EIF4E2: variants seen among roughly 807,000 people sequenced by gnomAD.
EIF4E2 encodes the protein eukaryotic translation initiation factor 4E type 2.
EIF4E2 carries 13 observed loss-of-function variants against 34.2 expected under a neutral mutation model. The ratio of observed to expected loss-of-function variants is 0.38; its 90% CI spans 0.25 to 0.60. The LOEUF (loss-of-function observed/expected upper bound fraction) is 0.60, where lower values mean the gene tolerates loss of function less well. EIF4E2 is among the 20% of genes least tolerant of loss of function. The pLI, the probability that EIF4E2 is intolerant of heterozygous loss-of-function variation, is 0.62. For synonymous variants in EIF4E2, 100 were observed against 106.6 expected, an observed-to-expected ratio of 0.94 and a Z score of 0.38; for missense variants, 222 against 315.1, an observed-to-expected ratio of 0.70 and a Z score of 2.24.
chr2:232,577,057 A>G (rs191420995), intron 6 of EIF4E2, among the ~76,000 whole-genome samples: 1 of 152,382 alleles, frequency 6.6e-6, no homozygotes, highest in East Asian at 1.9e-4. Context: ...GTGAGCTGAT[A>G]GGAAAGGATT....
chr2:232,580,655 C>T (rs548224799), intron 6 of EIF4E2, among the ~76,000 whole-genome samples: 30 of 152,260 alleles, frequency 2.0e-4, no homozygotes, highest in African/African-American at 6.3e-4. Flanking sequence ...AATATTTAAC[C>T]GGTCCTCTCT....
chr2:232,550,791 C>CCCCGCG, intron 1 of EIF4E2, 47 bp downstream of exon 1: 1 of 1,514,726 alleles, frequency 6.6e-7, no homozygotes, highest in Non-Finnish European at 8.9e-7. Flanking sequence ...CGAACAGTTC[C>CCCCGCG]CCCGCGCCCG....
intron 1 of EIF4E2, among the ~76,000 whole-genome samples, chr2:232,551,631 A>G (rs912822128): frequency 1.8e-4 from 28 of 152,314 alleles, no homozygotes; most frequent in Non-Finnish European, 3.5e-4. Flanking sequence ...AGTGGCTAGG[A>G]CCCTGCTGCC....
At chr2:232,565,052 C>T (rs1289441535) in intron 4 of EIF4E2, among the ~76,000 whole-genome samples, 1 of 151,276 alleles carries the variant, frequency 6.6e-6, no homozygotes, top group East Asian at 1.9e-4. Flanking sequence ...TAGAACTTTG[C>T]AGAGCCAGTA....
chr2:232,566,775 A>G lies in EIF4E2; in HGVS notation c.376-54A>G. 1 of 1,593,994 alleles carries G rather than the reference A, an allele frequency of 6.3e-7. No homozygotes were observed. Among genetic ancestry groups the G allele is most frequent in the Non-Finnish European group, 8.6e-7 (1 of 1,168,802 alleles). On this transcript the variant is annotated intron_variant, in intron 4 of 6. Transcript: ENST00000258416. This position sits in a 1 kb window ranked among gnomAD's most constrained non-coding sequence, Gnocchi z 4.9. ...TCTTGGCTTTTTACTGCCTTCATAC[A>G]AAAAAAGGCTGTGAAACCATATTTT... is the stretch of plus-strand genomic sequence containing the variant.
intron 1 of EIF4E2, among the ~76,000 whole-genome samples, chr2:232,554,929 C>T (rs951993987): frequency 1.3e-5 from 2 of 152,108 alleles, no homozygotes; most frequent in South Asian, 2.1e-4. Flanking sequence ...GGTTATTGCC[C>T]AGGCTGGACT....
chr2:232,564,217 G>C (rs1656397), intron 3 of EIF4E2, 30 bp from the exon 4 acceptor site: 386,099 of 1,484,422 alleles, frequency 0.26, 53,047 homozygotes, highest in Admixed American at 0.44. Flanking sequence ...AAAGACACAT[G>C]TTTTTTACTC....
At chr2:232,574,415 C>A in intron 6 of EIF4E2, 2 of 1,448,708 alleles carry the variant, frequency 1.4e-6, no homozygotes, top group Admixed American at 4.0e-5. Context: ...CCCATTTACC[C>A]CCAAACTTGC....
At chr2:232,571,291 A>G (rs1693085570), downstream of EIF4E2, among the ~76,000 whole-genome samples, 1 of 152,218 alleles carries the variant, frequency 6.6e-6, no homozygotes, top group African/African-American at 2.4e-5. Context: ...ATTCACCCCT[A>G]AGACGTGGAC....
rs759080363 is a variant in EIF4E2, at chr2:232,567,065, G to C, written c.529-13G>C. 1 of 1,611,838 alleles carries C rather than the reference G, an allele frequency of 6.2e-7. No individual in the cohort carries two copies. Among genetic ancestry groups the C allele is most frequent in the Non-Finnish European group, 8.5e-7 (1 of 1,178,794 alleles). On this transcript the variant is annotated splice_polypyrimidine_tract_variant and intron_variant, in intron 5 of 6. Transcript: ENST00000258416. ...CTGATTTGCTTTGATGATTCCTTCTGTTCCTCTGGTAGGAAGACATTATTT... is the reference window on the plus strand; with the variant it reads ...CTGATTTGCTTTGATGATTCCTTCTCTTCCTCTGGTAGGAAGACATTATTT...
intron 6 of EIF4E2, among the ~76,000 whole-genome samples, chr2:232,577,488 C>A (rs1403223620): frequency 6.6e-6 from 1 of 152,206 alleles, no homozygotes; most frequent in African/African-American, 2.4e-5. Flanking sequence ...CCCTGTCATC[C>A]ATTTTCAGGA....
chr2:232,572,515 G>A (rs545853631), downstream of EIF4E2, among the ~76,000 whole-genome samples: 5 of 152,166 alleles, frequency 3.3e-5, no homozygotes, highest in East Asian at 7.7e-4. Flanking sequence ...ACAGGTGCCC[G>A]CCACCATGCT....
At chr2:232,568,582 TC>T in intron 6 of EIF4E2, 5 of 985,436 alleles carry the variant, frequency 5.1e-6, no homozygotes, top group Non-Finnish European at 6.0e-6. Context: ...TATCCCCTAC[TC>T]CCACTTACCC....
At chr2:232,558,289 T>C in intron 3 of EIF4E2, 1 of 254,550 alleles carries the variant, frequency 3.9e-6, no homozygotes, top group Non-Finnish European at 7.4e-6. Context: ...TTTTTATTTT[T>C]ATTTTTTAAT....
At chr2:232,558,901 G>T (rs1416475826) in intron 3 of EIF4E2, 4 of 152,098 alleles carry the variant, frequency 2.6e-5, no homozygotes, top group African/African-American at 9.7e-5. Context: ...TCTCTCCCAG[G>T]TGACTTGGTT....
chr2:232,554,543 A>G (rs1270837496), intron 1 of EIF4E2, among the ~76,000 whole-genome samples: 3 of 152,154 alleles, frequency 2.0e-5, no homozygotes, highest in Non-Finnish European at 4.4e-5. Context: ...TAATCTGTAG[A>G]TCTTGTGTGC....
At chr2:232,568,732 C>G in intron 6 of EIF4E2, 1 of 985,410 alleles carries the variant, frequency 1.0e-6, no homozygotes, top group Non-Finnish European at 1.2e-6. Context: ...CACGTCCTTA[C>G]AGAGTTTAGG....
At chr2:232,580,546 G>A (rs1486990408) in intron 6 of EIF4E2, among the ~76,000 whole-genome samples, 1 of 152,210 alleles carries the variant, frequency 6.6e-6, no homozygotes, top group Admixed American at 6.5e-5. Flanking sequence ...AGTATACCGT[G>A]TGTACACACT....
intron 3 of EIF4E2, among the ~76,000 whole-genome samples, chr2:232,563,782 AT>A (rs1363503052): frequency 3.9e-5 from 6 of 152,220 alleles, no homozygotes; most frequent in Non-Finnish European, 8.8e-5. Flanking sequence ...CAAATGCTAT[AT>A]TTGCCAGTTA....
Sources: allele counts gnomAD v4.1 joint callset (sites outside exome capture counted in the v4.1 genomes callset), GRCh38; gene constraint gnomAD v4.1.1; non-coding constraint Gnocchi (gnomAD v3.1); transcripts MANE v1.5; gene names NCBI Gene and HGNC (gene_info 2026-07-23, HGNC 2026-07-21).